ZNF618: variants seen among roughly 807,000 people sequenced by gnomAD.
ZNF618 encodes zinc finger protein 618, also known as neural precursor cell expressed, developmentally down-regulated 10.
In ZNF618, 34 loss-of-function variants were observed where a neutral mutation model predicts 103.0. The observed-to-expected ratio is 0.33, with a 90% CI of 0.25 to 0.44. ZNF618 has a LOEUF of 0.44. ZNF618 is among the 20% of genes least tolerant of loss of function. The pLI is 1.00. For synonymous variants in ZNF618, 551 were observed against 542.2 expected (o/e 1.02, Z -0.23); for missense variants, 1,059 against 1,295.4 (o/e 0.82, Z 2.80).
rs750110051 is a variant in ZNF618 at position 113,988,541 on chromosome 9, T to C, written c.298T>C (p.Cys100Arg). 3 of 1,611,852 alleles carry C rather than the reference T, an allele frequency of 1.9e-6. No individual in the cohort carries two copies. Among genetic ancestry groups the C allele is most frequent in the South Asian group, 1.1e-5 (1 of 90,876 alleles). ...GACCAGCGACGTGCCTGCCGAGATC[T>C]GCGTGGTGATCGGCGGCGTCCGCAA... ...DGTSDVPAEI[C>R]VVIGGVRNQQ... is the part of the protein sequence containing the mutation. Residue 100 changes from cysteine (C) to arginine (R), a missense_variant, in exon 3 of 15, where the codon TGC becomes CGC. Physicochemically the swap from Cys to Arg is radical, Grantham distance 180. Transcript: ENST00000374126.
intron 1 of ZNF618, among the ~76,000 whole-genome samples, chr9:113,930,484 G>A (rs1833480587): frequency 2.6e-5 from 4 of 152,106 alleles, no homozygotes. Flanking sequence ...AAAAAAGCAG[G>A]CTTGTCCTTG....
intron 9 of ZNF618, among the ~76,000 whole-genome samples, chr9:114,013,223 C>T (rs1164882633): frequency 6.6e-6 from 1 of 152,108 alleles, no homozygotes; most frequent in Non-Finnish European, 1.5e-5. Flanking sequence ...GTGTACCCAT[C>T]TTCACAAAAT....
intron 1 of ZNF618, among the ~76,000 whole-genome samples, chr9:113,955,849 G>T (rs1212504470): frequency 1.3e-5 from 2 of 151,912 alleles, no homozygotes; most frequent in East Asian, 3.8e-4. Flanking sequence ...AAAGCCCTCA[G>T]CTTCTTTCTT....
intron 11 of ZNF618, among the ~76,000 whole-genome samples, chr9:114,029,520 C>T (rs970193111): frequency 6.6e-6 from 1 of 152,188 alleles, no homozygotes; most frequent in Admixed American, 6.5e-5. Flanking sequence ...TGTCATTTCT[C>T]ATTGTGATCA....
At chr9:113,952,827 T>G (rs773633536) in intron 1 of ZNF618, among the ~76,000 whole-genome samples, 102 of 152,340 alleles carry the variant, frequency 6.7e-4, no homozygotes, top group Non-Finnish European at 1.1e-3. Flanking sequence ...GCCATGCAGT[T>G]GGACTGCTCA....
At chr9:113,936,111 T>C (rs748863592) in intron 1 of ZNF618, among the ~76,000 whole-genome samples, 7 of 152,066 alleles carry the variant, frequency 4.6e-5, no homozygotes, top group Non-Finnish European at 8.8e-5. Flanking sequence ...CGAGCCTCCA[T>C]GTCCTGTGCC....
intron 4 of ZNF618, among the ~76,000 whole-genome samples, chr9:113,998,584 G>A (rs745326093): frequency 3.9e-5 from 6 of 152,214 alleles, no homozygotes; most frequent in Non-Finnish European, 1.5e-5. Context: ...AAATCTGGAC[G>A]CCTAGAATGT....
chr9:113,970,098 A>G (rs1379875066), intron 2 of ZNF618, among the ~76,000 whole-genome samples: 1 of 152,206 alleles, frequency 6.6e-6, no homozygotes, highest in Non-Finnish European at 1.5e-5. Context: ...GGGTTAAACA[A>G]AATTAAAAAG....
intron 1 of ZNF618, among the ~76,000 whole-genome samples, chr9:113,906,605 C>A (rs921289654): frequency 2.0e-5 from 3 of 152,158 alleles, no homozygotes; most frequent in Non-Finnish European, 4.4e-5. Flanking sequence ...TAATTCTGCA[C>A]CACAAGCTAG....
chr9:114,048,090 G>A (rs1189123528), intron 14 of ZNF618, 96 bp downstream of exon 14: 9 of 1,076,250 alleles, frequency 8.4e-6, no homozygotes, highest in Non-Finnish European at 1.2e-5. Flanking sequence ...TTCCTGTGAT[G>A]TTGTAAGATG....
rs555857381 is a variant in ZNF618, at chr9:113,903,583, T to C, written c.33+27170T>C. Among the ~76,000 whole-genome samples the C allele has an allele frequency of 1.5e-3, 224 of 152,218 alleles. 5 individuals are homozygous for C. Among genetic ancestry groups the C allele is most frequent in the Non-Finnish European group, 6.2e-4 (42 of 68,032 alleles). On this transcript the variant is annotated intron_variant, in intron 1 of 14. Transcript: ENST00000374126. ...GATATTCCCAGTTTTCTGGCTGTTA[T>C]AACCGGAGAACCAGTGCTTCCTATG...
intron 3 of ZNF618, among the ~76,000 whole-genome samples, chr9:113,989,567 TC>T (rs1470147790): frequency 2.6e-5 from 4 of 152,126 alleles, no homozygotes; most frequent in Non-Finnish European, 5.9e-5. Flanking sequence ...CACTCCCTAC[TC>T]CATGTTTCCA....
intron 1 of ZNF618, among the ~76,000 whole-genome samples, chr9:113,966,301 C>T (rs771110898): frequency 6.6e-6 from 1 of 152,270 alleles, no homozygotes; most frequent in Non-Finnish European, 1.5e-5. Flanking sequence ...TGCTGAAGAT[C>T]GCAGAGCTAG....
chr9:113,974,049 G>A (rs1838254891), intron 2 of ZNF618, among the ~76,000 whole-genome samples: 1 of 152,256 alleles, frequency 6.6e-6, no homozygotes, highest in Admixed American at 6.5e-5. Flanking sequence ...TGGAGGCACA[G>A]CAGTGAATGA....
intron 1 of ZNF618, among the ~76,000 whole-genome samples, chr9:113,945,821 G>A (rs1834973366): frequency 6.6e-6 from 1 of 152,246 alleles, no homozygotes; most frequent in African/African-American, 2.4e-5. Context: ...TTTATTAAAT[G>A]GCACTAGTTT....
intron 1 of ZNF618, among the ~76,000 whole-genome samples, chr9:113,889,313 T>G (rs1313959814): frequency 8.9e-6 from 1 of 112,324 alleles, no homozygotes; most frequent in Admixed American, 1.0e-4. Flanking sequence ...GTCTCCCCGC[T>G]ACCATCTCTC....
At chr9:114,008,311 C>G in intron 7 of ZNF618, 33 bp from the exon 8 acceptor site, 1 of 1,612,480 alleles carries the variant, frequency 6.2e-7, no homozygotes, top group Non-Finnish European at 8.5e-7. Flanking sequence ...TGTTTCTTTC[C>G]TTCTGCGGCT....
At chr9:113,879,576 G>T (rs1276732379) in intron 1 of ZNF618, among the ~76,000 whole-genome samples, 1 of 151,650 alleles carries the variant, frequency 6.6e-6, no homozygotes, top group Non-Finnish European at 1.5e-5. Flanking sequence ...GTGGACGTGT[G>T]ACCAGAAATG....
chr9:114,013,369 T>G (rs1842407407), intron 9 of ZNF618, among the ~76,000 whole-genome samples: 2 of 152,342 alleles, frequency 1.3e-5, no homozygotes, highest in East Asian at 3.9e-4. Flanking sequence ...GTTCCAAATC[T>G]GATTATAAAA....
Sources: gnomAD v4.1 joint callset for allele counts (sites outside exome capture counted in the v4.1 genomes callset) on GRCh38, gnomAD v4.1.1 for gene constraint, MANE v1.5 for transcripts, NCBI Gene and HGNC (gene_info 2026-07-23, HGNC 2026-07-21) for gene names.